The following KCNH5 variants were observed in gnomAD, a reference collection of about 807,000 sequenced individuals.
KCNH5 encodes the protein potassium voltage-gated channel subfamily H member 5, also known as voltage-gated delayed rectifier potassium channel KCNH5.
A neutral mutation model predicts 96.1 loss-of-function variants in KCNH5; 46 were observed. That is an observed-to-expected ratio of 0.48 (90% CI 0.38 to 0.61). The LOEUF (loss-of-function observed/expected upper bound fraction) is 0.61. Ranked by LOEUF, KCNH5 falls within the 20% of genes least tolerant of loss-of-function variation. KCNH5 has a pLI of 0.00. For missense variants in KCNH5, 907 were observed against 1,225.8 expected (o/e 0.74, Z 3.88); for synonymous variants, 439 against 449.8 (o/e 0.98, Z 0.30).
chr14:62,898,439 T>C (rs926965032), intron 7 of KCNH5, among the ~76,000 whole-genome samples: 1 of 152,038 alleles, frequency 6.6e-6, no homozygotes, highest in Non-Finnish European at 1.5e-5. Context: ...ACTCCCAAAA[T>C]AGTAAACGAG....
intron 7 of KCNH5, chr14:62,949,731 A>G: frequency 5.6e-6 from 1 of 177,948 alleles, no homozygotes. Context: ...CCTAAGGTCA[A>G]CTTTAATTTA....
intron 6 of KCNH5, among the ~76,000 whole-genome samples, chr14:62,972,001 A>C (rs1890417420): frequency 6.6e-6 from 1 of 152,192 alleles, no homozygotes; most frequent in African/African-American, 2.4e-5. Context: ...AATAATTGAT[A>C]AGCTGGACTT....
chr14:62,790,087 G>A (rs1013376529), intron 9 of KCNH5, among the ~76,000 whole-genome samples: 1 of 150,534 alleles, frequency 6.6e-6, no homozygotes, highest in African/African-American at 2.4e-5. Context: ...TTGTATGGGT[G>A]GAAAATAAGG....
At position 62,779,794 on chromosome 14, in the gene KCNH5, G is replaced by A; in HGVS notation, c.1953C>T (p.Asp651=). ...AGGAGTTTGCAAAAGCTGTATAAAA[G>A]TCCAGGACTTTGAGCAAGGCTTCCC... is the stretch of plus-strand genomic sequence containing the variant. ...IKREALLKVL[D]FYTAFANSFS... The change falls in exon 10 of 11, where the codon GAC becomes GAT. Residue 651 remains aspartate (D), a synonymous_variant. Transcript: ENST00000322893. The A allele has an allele frequency of 6.2e-7, 1 of 1,614,054 alleles. No homozygotes were observed. Among genetic ancestry groups the A allele is most frequent in the South Asian group, 1.1e-5 (1 of 91,072 alleles).
intron 6 of KCNH5, among the ~76,000 whole-genome samples, chr14:62,959,683 C>A (rs1488916266): frequency 6.6e-6 from 1 of 152,110 alleles, no homozygotes; most frequent in Non-Finnish European, 1.5e-5. Context: ...TCCCACTTTC[C>A]TGCAAACTGG....
At chr14:62,993,389 T>C (rs985854243) in intron 4 of KCNH5, among the ~76,000 whole-genome samples, 1 of 152,070 alleles carries the variant, frequency 6.6e-6, no homozygotes, top group Admixed American at 6.6e-5. Context: ...ATTGAATCTG[T>C]AGATTGCTTT....
At chr14:62,774,066 A>G (rs1020652385) in intron 10 of KCNH5, among the ~76,000 whole-genome samples, 3 of 152,304 alleles carry the variant, frequency 2.0e-5, no homozygotes, top group African/African-American at 7.2e-5. Context: ...CATCATATTC[A>G]TGGTTATGAC....
chr14:62,872,969 T>A (rs1180833710), intron 7 of KCNH5, among the ~76,000 whole-genome samples: 2 of 151,974 alleles, frequency 1.3e-5, no homozygotes, highest in Non-Finnish European at 2.9e-5. Context: ...GCTAACACAG[T>A]GAAACTCCGT....
chr14:62,974,514 C>T (rs1383258403), intron 6 of KCNH5, among the ~76,000 whole-genome samples: 1 of 152,154 alleles, frequency 6.6e-6, no homozygotes, highest in Non-Finnish European at 1.5e-5. Flanking sequence ...AAACAGAATG[C>T]CTTCTTTAAT....
intron 1 of KCNH5, among the ~76,000 whole-genome samples, chr14:63,018,633 A>G (rs1891371024): frequency 6.6e-6 from 1 of 152,048 alleles, no homozygotes; most frequent in Non-Finnish European, 1.5e-5. Flanking sequence ...ATGCCCTGGG[A>G]CTAAAATAAA....
chr14:62,978,882 T>A (rs995857763), intron 6 of KCNH5, among the ~76,000 whole-genome samples: 9 of 152,220 alleles, frequency 5.9e-5, no homozygotes, highest in South Asian at 4.1e-4. Flanking sequence ...CTAGTTAACG[T>A]ATGTGTTTCT....
intron 9 of KCNH5, among the ~76,000 whole-genome samples, chr14:62,796,839 C>T (rs1223438333): frequency 6.6e-6 from 1 of 152,132 alleles, no homozygotes; most frequent in Non-Finnish European, 1.5e-5. Flanking sequence ...GGTGGGACAA[C>T]TTGAAGCAAA....
At chr14:62,978,468 T>C (rs913161415) in intron 6 of KCNH5, among the ~76,000 whole-genome samples, 1 of 151,778 alleles carries the variant, frequency 6.6e-6, no homozygotes, top group Non-Finnish European at 1.5e-5. Context: ...GCACCAGTAG[T>C]CCCAGCTACT....
At chr14:62,948,393 A>G (rs934184761) in intron 7 of KCNH5, among the ~76,000 whole-genome samples, 10 of 152,308 alleles carry the variant, frequency 6.6e-5, no homozygotes, top group Non-Finnish European at 1.5e-4. Context: ...CTACGCAAAT[A>G]AACTAGAAAA....
intron 1 of KCNH5, among the ~76,000 whole-genome samples, chr14:63,029,074 G>T (rs2139621052): frequency 6.6e-6 from 1 of 152,198 alleles, no homozygotes; most frequent in South Asian, 2.1e-4. Flanking sequence ...CTTAATAATT[G>T]CATTTTAACT....
At chr14:62,895,641 A>G (rs1226216471) in intron 7 of KCNH5, among the ~76,000 whole-genome samples, 1 of 152,170 alleles carries the variant, frequency 6.6e-6, no homozygotes, top group African/African-American at 2.4e-5. Flanking sequence ...CTGAGTCAGT[A>G]TGGGAGTAAA....
At chr14:62,982,105 G>A (rs757310919) in intron 5 of KCNH5, among the ~76,000 whole-genome samples, 13 of 152,092 alleles carry the variant, frequency 8.5e-5, no homozygotes, top group Middle Eastern at 3.2e-3. Flanking sequence ...CAGTTGAGGC[G>A]AGATCACGAG....
chr14:62,980,985 C>T lies in KCNH5; in HGVS notation c.829G>A (p.Val277Ile). 2 of 1,614,102 alleles carry T rather than the reference C, an allele frequency of 1.2e-6. No individual in the cohort carries two copies. Among genetic ancestry groups the T allele is most frequent in the Non-Finnish European group, 1.7e-6 (2 of 1,180,012 alleles). ...CTTATGAGCTTAGGGTCAGAAATGA[C>T]CTCTCCACCGGGCCCCACGAAAGTC... Reference protein sequence around the residue: ...HTTFVGPGGEVISDPKLIRMN... With the variant: ...HTTFVGPGGEIISDPKLIRMN... Residue 277 changes from valine to isoleucine, a missense_variant, in exon 6 of 11, where the codon GTC (valine) becomes ATC (isoleucine). Physicochemically the swap from Val to Ile is conservative, Grantham distance 29. Transcript: ENST00000322893.
chr14:62,802,409 C>A lies in KCNH5; in HGVS notation c.1742G>T (p.Gly581Val). The A allele has an allele frequency of 6.2e-7, 1 of 1,614,174 alleles. No individual in the cohort carries two copies. Among genetic ancestry groups the A allele is most frequent in the Non-Finnish European group, 8.5e-7 (1 of 1,180,012 alleles). Residue 581 changes from glycine to valine, a missense_variant, in exon 9 of 11, where the codon GGA becomes GTA. By Grantham distance (109) the Gly-to-Val change is moderately radical (BLOSUM62 -3). Coordinates refer to ENST00000322893, the MANE Select transcript of KCNH5 (RefSeq NM_139318.5). ...AAAGCAGAGGGCATCCACACTTTCT[C>A]CAGCATGGTAAATGAGGTCCCCGGG... ...CAPGDLIYHAGESVDALCFVV... is the reference protein window; with the variant it reads ...CAPGDLIYHAVESVDALCFVV...
Sources: gnomAD v4.1 joint callset for allele counts (sites outside exome capture counted in the v4.1 genomes callset) on GRCh38, gnomAD v4.1.1 for gene constraint, MANE v1.5 for transcripts, NCBI Gene and HGNC (gene_info 2026-07-23, HGNC 2026-07-21) for gene names.